Variants in DGKH observed in about 807,000 individuals in gnomAD.
The protein encoded by DGKH is diacylglycerol kinase eta.
A neutral mutation model predicts 159.3 loss-of-function variants in DGKH; 90 were observed. The ratio of observed to expected loss-of-function variants is 0.57; its 90% confidence interval spans 0.48 to 0.67. The LOEUF (loss-of-function observed/expected upper bound fraction) is 0.67, where lower values mean the gene tolerates loss of function less well. Ranked by LOEUF, DGKH falls within the 30% of genes least tolerant of loss-of-function variation. The pLI is 0.00. For missense variants in DGKH, 1,181 were observed against 1,506.1 expected, an observed-to-expected ratio of 0.78 and a Z score of 3.57; for synonymous variants, 536 against 553.8, an observed-to-expected ratio of 0.97 and a Z score of 0.45.
At chr13:42,096,852 A>G (rs1294871592) in intron 1 of DGKH, among the ~76,000 whole-genome samples, 7 of 152,216 alleles carry the variant, frequency 4.6e-5, no homozygotes, top group Non-Finnish European at 1.0e-4. Context: ...GAGTTTGATC[A>G]TATGGGAAGA....
chr13:42,178,837 C>A (rs569082259), intron 13 of DGKH, among the ~76,000 whole-genome samples: 2 of 152,074 alleles, frequency 1.3e-5, no homozygotes, highest in South Asian at 4.2e-4. Context: ...GGGGTGACAC[C>A]AACTGAAATT....
At chr13:42,064,608 A>G (rs1483714003) in intron 1 of DGKH, among the ~76,000 whole-genome samples, 1 of 152,154 alleles carries the variant, frequency 6.6e-6, no homozygotes, top group East Asian at 1.9e-4. Flanking sequence ...GAAGGAAGAG[A>G]AGACTGTTGG....
Position 42,190,427 on chromosome 13 carries a change from C to G in DGKH, c.1937C>G (p.Pro646Arg). 2 of 1,609,324 alleles carry G rather than the reference C, an allele frequency of 1.2e-6. No individual in the cohort carries two copies. The highest frequency in any genetic ancestry group is 1.7e-6 in the Non-Finnish European group (2 of 1,178,446). Residue 646 changes from proline to arginine, a missense_variant, in exon 16 of 30, where the codon CCC becomes CGC. By Grantham distance (103) the Pro-to-Arg change is moderately radical. Around this residue, in one of 5 missense-constraint regions of DGKH, gnomAD observed 257 missense variants for 281.5 expected, o/e 0.91. Coordinates refer to ENST00000337343, the MANE Select transcript of DGKH (RefSeq NM_178009.5). ...GKVMDDPTVH[P>R]CEPANQSSDY... Reference sequence around the variant, plus strand: ...GTTATGGATGACCCGACAGTTCACCCCTGTGAACCAGCTAATCAGTCCTCT... The same window carrying G: ...GTTATGGATGACCCGACAGTTCACCGCTGTGAACCAGCTAATCAGTCCTCT...
chr13:42,182,577 A>C (rs976396878), intron 13 of DGKH, among the ~76,000 whole-genome samples: 17 of 152,222 alleles, frequency 1.1e-4, no homozygotes, highest in African/African-American at 3.9e-4. Flanking sequence ...CTATGTAAAT[A>C]GTTGTTATAC....
At chr13:42,221,157 G>T in intron 28 of DGKH, 107 bp from the exon 29 acceptor site, 1 of 1,420,232 alleles carries the variant, frequency 7.0e-7, no homozygotes, top group Non-Finnish European at 9.5e-7. Context: ...CTTTTCTTTT[G>T]CTAGCACTGC....
intron 17 of DGKH, among the ~76,000 whole-genome samples, chr13:42,195,571 T>C (rs1372567620): frequency 1.3e-5 from 2 of 152,120 alleles, no homozygotes; most frequent in Non-Finnish European, 2.9e-5. Flanking sequence ...AGTTCTGGAG[T>C]GGAGTCCAGG....
chr13:42,102,162 C>T (rs958824640), intron 1 of DGKH, among the ~76,000 whole-genome samples: 16 of 152,216 alleles, frequency 1.1e-4, no homozygotes, highest in Non-Finnish European at 2.4e-4. Flanking sequence ...TGCAAGGAGA[C>T]TGCTTGGCTC....
At chr13:42,080,798 C>T (rs920234494) in intron 1 of DGKH, among the ~76,000 whole-genome samples, 13 of 151,570 alleles carry the variant, frequency 8.6e-5, no homozygotes, top group African/African-American at 1.9e-4. Context: ...AAGCTTTCCT[C>T]GGAAGATTTT....
At chr13:42,106,169 G>C (rs1377215645) in intron 1 of DGKH, among the ~76,000 whole-genome samples, 1 of 151,982 alleles carries the variant, frequency 6.6e-6, no homozygotes, top group African/African-American at 2.4e-5. Flanking sequence ...CACCATGCCT[G>C]GCTAGTTTTT....
At chr13:42,105,205 C>G (rs1954725075) in intron 1 of DGKH, among the ~76,000 whole-genome samples, 1 of 152,082 alleles carries the variant, frequency 6.6e-6, no homozygotes, top group African/African-American at 2.4e-5. Flanking sequence ...TAAGGACCTT[C>G]TTGCTGTGAC....
rs563328956 is a variant in DGKH at position 42,140,180 on chromosome 13, C to T, written c.384+10548C>T. On this transcript the variant is annotated intron_variant, in intron 3 of 29. Transcript: ENST00000337343. ...TATCCATGTTTTATGAAGCTGATTT[C>T]CTAGGTGGCCTTTAGCCTTTGGCAC... Among the ~76,000 whole-genome samples, 33 of 152,306 alleles carry T rather than the reference C, an allele frequency of 2.2e-4. 1 individual carries two copies. In the South Asian group the frequency reaches 6.9e-3, roughly 32 times the overall value.
chr13:42,149,898 A>G (rs1174802742), intron 3 of DGKH, among the ~76,000 whole-genome samples: 1 of 152,202 alleles, frequency 6.6e-6, no homozygotes, highest in Non-Finnish European at 1.5e-5. Flanking sequence ...TGAACTCACA[A>G]GGAGCTCACA....
chr13:42,209,986 A>C (rs1957603756), intron 23 of DGKH, among the ~76,000 whole-genome samples: 1 of 128,848 alleles, frequency 7.8e-6, no homozygotes, highest in Non-Finnish European at 1.7e-5. Context: ...ACTCCTGGCA[A>C]TCATTGATTT....
chr13:42,187,084 A>G lies in DGKH; in HGVS notation c.1574A>G (p.Lys525Arg), dbSNP rs1956950099. The part of the protein sequence containing the change: ...LCETVKDFVA[K>R]VEKTYDKTLE... Reference sequence around the variant, plus strand: ...GAAACTGTAAAGGACTTCGTTGCCAAAGTAGAAAAGACGTATGACAAAACC... The same window carrying G: ...GAAACTGTAAAGGACTTCGTTGCCAGAGTAGAAAAGACGTATGACAAAACC... Residue 525 changes from lysine to arginine, a missense_variant, in exon 14 of 30, where the codon AAA becomes AGA. Coordinates refer to ENST00000337343, the MANE Select transcript of DGKH (RefSeq NM_178009.5). 6.2e-7 allele frequency: 1 copy of G among 1,614,100 alleles called. No homozygotes were observed. Among genetic ancestry groups the G allele is most frequent in the African/African-American group, 1.3e-5 (1 of 75,054 alleles).
intron 3 of DGKH, among the ~76,000 whole-genome samples, chr13:42,129,887 A>T (rs1388232059): frequency 6.6e-6 from 1 of 152,060 alleles, no homozygotes; most frequent in Non-Finnish European, 1.5e-5. Context: ...TAAGTTTTTC[A>T]CCTCCTCTAA....
chr13:42,141,797 C>T (rs998341403), intron 3 of DGKH, among the ~76,000 whole-genome samples: 4 of 151,054 alleles, frequency 2.6e-5, no homozygotes, highest in African/African-American at 9.7e-5. Context: ...TTCTGGATAC[C>T]CTTTGTCAGA....
rs542780890 is a variant in DGKH, at chr13:42,053,251, C to T, written c.192+4286C>T. ...AAGATATATTTTTGGTGCAGCAAAC[C>T]ACCATGGCACATGTATACCTATGTA... On this transcript the variant is annotated intron_variant, in intron 1 of 29. Transcript: ENST00000337343. Among the ~76,000 whole-genome samples the T allele has an allele frequency of 1.1e-4, 17 of 151,702 alleles. No homozygotes were observed. The East Asian group carries it at 2.3e-3, about 21-fold the overall frequency.
At chr13:42,125,418 G>T (rs1314273912) in intron 1 of DGKH, among the ~76,000 whole-genome samples, 2 of 152,158 alleles carry the variant, frequency 1.3e-5, no homozygotes, top group Non-Finnish European at 2.9e-5. Context: ...AATTAAGTTA[G>T]ATGCAACAAG....
chr13:42,232,785 G>T lies in DGKH; in HGVS notation c.*3597G>T, dbSNP rs533367553. 8 of 152,280 alleles carry T rather than the reference G, an allele frequency of 5.3e-5. No individual in the cohort carries two copies. The highest frequency in any genetic ancestry group is 1.9e-4 in the African/African-American group (8 of 41,566). 9.4% of individuals were successfully genotyped at this position (152,280 alleles called of 1,614,324 possible). A position where few individuals can be genotyped will look rare whatever the true frequency, so the allele number is the denominator to read the frequency against. On this transcript the variant is annotated 3_prime_UTR_variant, in exon 30 of 30. Coordinates refer to ENST00000337343, the MANE Select transcript of DGKH (RefSeq NM_178009.5). Reference sequence around the variant, plus strand: ...ACAAGAAATGACCCATGAATGTCTAGATCTATCCTGTCCAATATTGTAGCT... The same window carrying T: ...ACAAGAAATGACCCATGAATGTCTATATCTATCCTGTCCAATATTGTAGCT...
Sources: gnomAD v4.1 joint callset for allele counts (sites outside exome capture counted in the v4.1 genomes callset) on GRCh38, gnomAD v4.1.1 for gene constraint, gnomAD v4.1.1 regional missense constraint, MANE v1.5 for transcripts, NCBI Gene and HGNC (gene_info 2026-07-23, HGNC 2026-07-21) for gene names.